Variants in AP1AR observed in about 807,000 individuals in gnomAD.
AP1AR encodes adaptor related protein complex 1 associated regulatory protein, also known as AP-1 complex-associated regulatory protein.
Under a neutral mutation model 46.3 loss-of-function variants are expected in AP1AR, and 29 were observed. The observed-to-expected ratio is 0.63, with a 90% CI of 0.47 to 0.85. AP1AR has a LOEUF of 0.85. Ranked by LOEUF, AP1AR falls within the 40% of genes least tolerant of loss-of-function variation. The probability of loss-of-function intolerance (pLI) is 0.00; values close to 1 mark genes in which losing one functional copy is unlikely to be tolerated. For missense variants in AP1AR, 357 were observed against 356.3 expected (o/e 1.00, Z -0.02); for synonymous variants, 122 against 122.9 (o/e 0.99, Z 0.05).
intron 1 of AP1AR, among the ~76,000 whole-genome samples, chr4:112,244,005 C>T (rs868730106): frequency 6.6e-6 from 1 of 152,040 alleles, no homozygotes; most frequent in Non-Finnish European, 1.5e-5. Context: ...TTTGTCAAAA[C>T]TTTATTGTAT....
intron 1 of AP1AR, among the ~76,000 whole-genome samples, chr4:112,244,775 A>G (rs1406818488): frequency 3.3e-5 from 5 of 152,162 alleles, no homozygotes; most frequent in Non-Finnish European, 7.4e-5. Flanking sequence ...TCCAACATTC[A>G]CACCTCCAAA....
At chr4:112,250,199 T>C (rs1040298879) in intron 1 of AP1AR, among the ~76,000 whole-genome samples, 18 of 152,328 alleles carry the variant, frequency 1.2e-4, no homozygotes, top group Admixed American at 5.2e-4. Context: ...AAGAGCCTCA[T>C]TGAGAACAAA....
intron 1 of AP1AR, among the ~76,000 whole-genome samples, chr4:112,243,317 G>T (rs1725587502): frequency 6.6e-6 from 1 of 152,100 alleles, no homozygotes. Flanking sequence ...TCTTGATACT[G>T]CTGCTTTCAT....
chr4:112,236,149 C>T (rs1560600064), intron 1 of AP1AR, among the ~76,000 whole-genome samples: 2 of 151,828 alleles, frequency 1.3e-5, no homozygotes, highest in Middle Eastern at 3.4e-3. Context: ...AATTAAATCT[C>T]TATATATTAT....
chr4:112,257,402 C>CA (rs1157991034), intron 3 of AP1AR, among the ~76,000 whole-genome samples: 3 of 151,340 alleles, frequency 2.0e-5, no homozygotes, highest in Admixed American at 6.6e-5. Context: ...ATAGAAACTG[C>CA]AAAAAAATGA....
intron 1 of AP1AR, among the ~76,000 whole-genome samples, chr4:112,247,889 A>G (rs986737364): frequency 3.3e-5 from 5 of 152,258 alleles, no homozygotes; most frequent in Non-Finnish European, 7.3e-5. Flanking sequence ...ACCATTTGGT[A>G]AAAGCTTGAT....
rs1306423515 is a variant in AP1AR, at chr4:112,271,156, C to T, written c.*2747C>T. ...CTGCACATAGTCCACGTAGGCAAAA[C>T]TCAACCACAGTCTGACACAGGTCTT... is the stretch of plus-strand genomic sequence containing the variant. On this transcript the variant is annotated 3_prime_UTR_variant, in exon 10 of 10. Coordinates refer to ENST00000274000, the MANE Select transcript of AP1AR (RefSeq NM_018569.6). Among the ~76,000 whole-genome samples the T allele has an allele frequency of 6.6e-6, 1 of 152,206 alleles. No homozygotes were observed.
chr4:112,232,247 C>G (rs547248378), intron 1 of AP1AR, 73 bp downstream of exon 1: 7 of 1,218,270 alleles, frequency 5.7e-6, no homozygotes, highest in Non-Finnish European at 2.1e-6. Flanking sequence ...ATCCCTTTCA[C>G]CGTCCCCCGG....
chr4:112,237,030 C>A (rs1725271989), intron 1 of AP1AR, among the ~76,000 whole-genome samples: 4 of 152,162 alleles, frequency 2.6e-5, no homozygotes, highest in Admixed American at 2.6e-4. Context: ...TTATTCTCTC[C>A]CATCCTCTCT....
At chr4:112,255,191 C>T (rs1726132998) in intron 3 of AP1AR, among the ~76,000 whole-genome samples, 1 of 152,246 alleles carries the variant, frequency 6.6e-6, no homozygotes, top group East Asian at 1.9e-4. Flanking sequence ...GATCTCCTGA[C>T]CTCGTGATCC....
At chr4:112,250,695 C>T (rs1382709921) in intron 1 of AP1AR, among the ~76,000 whole-genome samples, 2 of 152,150 alleles carry the variant, frequency 1.3e-5, no homozygotes. Context: ...CGAGTATTTA[C>T]TTTATCAGTA....
At chr4:112,261,198 C>T (rs763757271) in intron 5 of AP1AR, among the ~76,000 whole-genome samples, 4 of 152,100 alleles carry the variant, frequency 2.6e-5, no homozygotes, top group African/African-American at 7.2e-5. Flanking sequence ...ATTGGGTGGC[C>T]GAGGCAGACA....
chr4:112,263,571 T>C (rs1053584220), intron 6 of AP1AR, among the ~76,000 whole-genome samples: 1 of 152,114 alleles, frequency 6.6e-6, no homozygotes, highest in African/African-American at 2.4e-5. Flanking sequence ...TTCTCATCTT[T>C]ATTCTTGTGT....
intron 3 of AP1AR, among the ~76,000 whole-genome samples, chr4:112,256,275 A>T (rs535883991): frequency 1.2e-4 from 19 of 152,302 alleles, no homozygotes; most frequent in Non-Finnish European, 2.4e-4. Context: ...CTCCCAGTAA[A>T]ATATCATTCC....
chr4:112,243,644 G>A (rs930885524), intron 1 of AP1AR, among the ~76,000 whole-genome samples: 8 of 152,126 alleles, frequency 5.3e-5, no homozygotes, highest in African/African-American at 1.9e-4. Flanking sequence ...GTGCAGTATT[G>A]TATTATATGA....
chr4:112,268,037 C>A lies in AP1AR; in HGVS notation c.644-107C>A, dbSNP rs1375595335. 10 of 1,173,990 alleles carry A rather than the reference C, an allele frequency of 8.5e-6. No individual in the cohort carries two copies. In the East Asian group the frequency reaches 2.1e-4, roughly 24 times the overall value. 72.7% of individuals were successfully genotyped at this position (1,173,990 alleles called of 1,614,324 possible). On this transcript the variant is annotated intron_variant, in intron 9 of 9. Coordinates refer to ENST00000274000, the MANE Select transcript of AP1AR (RefSeq NM_018569.6). ...GACTGGGTCTTTAAGTTAATTCACACATCAAGTCTGATAGTTAAATAAAAA... is the reference window on the plus strand; with the variant it reads ...GACTGGGTCTTTAAGTTAATTCACAAATCAAGTCTGATAGTTAAATAAAAA...
At chr4:112,262,852 A>C in intron 5 of AP1AR, 136 bp from the exon 6 acceptor site, 1 of 641,368 alleles carries the variant, frequency 1.6e-6, no homozygotes, top group Middle Eastern at 4.2e-4. Context: ...CAAACATTTC[A>C]ATTCTGTTAT....
Position 112,268,156 on chromosome 4 carries a change from T to A in AP1AR, c.656T>A (p.Met219Lys). The A allele has an allele frequency of 1.3e-6, 2 of 1,564,756 alleles. No homozygotes were observed. The highest frequency in any genetic ancestry group is 1.7e-6 in the Non-Finnish European group (2 of 1,156,886). ...GTTCAAATCATAGGAATGAATAGAA[T>A]GCTTCCAATGAGAGAACGTTCCAAA... ...EWEDEEGMNR[M>K]LPMRERSKTE... The change falls in exon 10 of 10, where the codon ATG (methionine) becomes AAG (lysine). Residue 219 changes from methionine to lysine, a missense_variant. Coordinates refer to ENST00000274000, the MANE Select transcript of AP1AR (RefSeq NM_018569.6).
intron 9 of AP1AR, 146 bp downstream of exon 9, chr4:112,266,862 G>T: frequency 1.5e-6 from 1 of 665,544 alleles, no homozygotes; most frequent in Non-Finnish European, 2.3e-6. Context: ...TATTGTATTG[G>T]TGATGATCTC....
Sources: allele counts gnomAD v4.1 joint callset (sites outside exome capture counted in the v4.1 genomes callset), GRCh38; gene constraint gnomAD v4.1.1; transcripts MANE v1.5; gene names NCBI Gene and HGNC (gene_info 2026-07-23, HGNC 2026-07-21).